Variants in NRG1 observed in about 807,000 individuals in gnomAD.
The protein encoded by NRG1 is pro-neuregulin-1, membrane-bound isoform.
NRG1 carries 18 observed loss-of-function variants against 63.8 expected under a neutral mutation model. The ratio of observed to expected loss-of-function variants is 0.28; its 90% CI spans 0.19 to 0.42. The LOEUF is 0.42. Among genes scored for constraint, NRG1 ranks in the 10% least tolerant of loss-of-function variants. The probability of loss-of-function intolerance (pLI) is 1.00; values close to 1 mark genes in which losing one functional copy is unlikely to be tolerated. For synonymous variants in NRG1, 302 were observed against 301.3 expected (o/e 1.00, Z -0.02); for missense variants, 762 against 814.7 (o/e 0.94, Z 0.79).
chr8:32,694,035 T>A (rs1445780173), intron 5 of NRG1, among the ~76,000 whole-genome samples: 1 of 152,136 alleles, frequency 6.6e-6, no homozygotes, highest in Admixed American at 6.6e-5. Flanking sequence ...AAGGAGAAGG[T>A]TTTTGGCTTG....
intron 1 of NRG1, among the ~76,000 whole-genome samples, chr8:32,498,518 C>CTTGTGAGAA (rs1389703581): frequency 6.2e-4 from 94 of 152,288 alleles, no homozygotes; most frequent in African/African-American, 2.3e-3. Flanking sequence ...ACCATCAGAT[C>CTTGTGAGAA]CTGTGAGAAC....
chr8:32,264,653 C>G (rs1052411532), intron 1 of NRG1, among the ~76,000 whole-genome samples: 2 of 152,126 alleles, frequency 1.3e-5, no homozygotes, highest in Admixed American at 1.3e-4. Context: ...AAGCTGAATG[C>G]TTTTGTCACT....
intron 1 of NRG1, among the ~76,000 whole-genome samples, chr8:31,767,516 C>G (rs994260259): frequency 6.6e-6 from 1 of 152,126 alleles, no homozygotes; most frequent in Non-Finnish European, 1.5e-5. Flanking sequence ...ATTTTCACCA[C>G]AGTAAGCCAT....
At chr8:31,814,169 G>A (rs1053528207) in intron 1 of NRG1, among the ~76,000 whole-genome samples, 5 of 152,162 alleles carry the variant, frequency 3.3e-5, no homozygotes, top group Non-Finnish European at 1.5e-5. Context: ...TCCTACATCT[G>A]TGAACTTGTT....
At position 32,285,204 on chromosome 8, in the gene NRG1, G is replaced by A. The variant is rs147735511; in HGVS notation, c.38-310624G>A. ...AATCAGGCATTCTAAACTGGAAAGG[G>A]CCTTTGATTATTTAGCCCAAATGCA... On this transcript the variant is annotated intron_variant, in intron 1 of 10. Transcript: ENST00000519301. Among the ~76,000 whole-genome samples the A allele has an allele frequency of 1.4e-3, 208 of 152,216 alleles. 1 individual carries two copies. Among genetic ancestry groups the A allele is most frequent in the Middle Eastern group, 6.8e-3 (2 of 294 alleles).
chr8:32,353,847 T>A (rs552565049), intron 1 of NRG1, among the ~76,000 whole-genome samples: 6 of 152,306 alleles, frequency 3.9e-5, no homozygotes, highest in African/African-American at 1.4e-4. Context: ...AAAGCCTATG[T>A]CCATACAAAG....
At chr8:32,071,568 G>T (rs1277624801) in intron 1 of NRG1, among the ~76,000 whole-genome samples, 7 of 152,154 alleles carry the variant, frequency 4.6e-5, no homozygotes, top group Non-Finnish European at 8.8e-5. Flanking sequence ...TAACTAGGAA[G>T]TATAAAGTAC....
intron 1 of NRG1, among the ~76,000 whole-genome samples, chr8:32,554,356 A>C (rs1834707749): frequency 6.6e-6 from 1 of 152,192 alleles, no homozygotes; most frequent in Non-Finnish European, 1.5e-5. Context: ...AAATACCAAT[A>C]GATGTCAGTG....
intron 1 of NRG1, among the ~76,000 whole-genome samples, chr8:32,027,450 T>TCCCTCCC (rs1817583611): frequency 2.5e-5 from 3 of 121,642 alleles, no homozygotes; most frequent in African/African-American, 1.3e-4. Flanking sequence ...CCTTCCTTCC[T>TCCCTCCC]TCCTTCCTTC....
At chr8:32,674,650 A>G (rs1806585541) in intron 5 of NRG1, among the ~76,000 whole-genome samples, 1 of 152,254 alleles carries the variant, frequency 6.6e-6, no homozygotes, top group Admixed American at 6.5e-5. Context: ...TCCGAACGGA[A>G]TGCTGAATGC....
rs1258670893 is a variant in NRG1, at chr8:31,658,366, T to C, written c.37+18935T>C. ...CCATGTTTCTAAACTTTATTTTTAG[T>C]TTTCTCTTTGTAAAATGAGAATGAT... On this transcript the variant is annotated intron_variant, in intron 1 of 10. Transcript: ENST00000519301. Among the ~76,000 whole-genome samples, 6 of 152,348 alleles carry C rather than the reference T, an allele frequency of 3.9e-5. No homozygotes were observed. In the South Asian group the frequency reaches 1.0e-3, roughly 26 times the overall value.
In NRG1 at chr8:32,439,492, A is replaced by G. The variant is rs16879390; in HGVS notation, c.38-156336A>G. Reference sequence around the variant, plus strand: ...TAGTGAAACCTGAAGAAGTAAAATAAAATAACTTGTATGTCCCTTCACAAG... The same window carrying G: ...TAGTGAAACCTGAAGAAGTAAAATAGAATAACTTGTATGTCCCTTCACAAG... On this transcript the variant is annotated intron_variant, in intron 1 of 10. Coordinates refer to the NRG1 transcript ENST00000519301. Among the ~76,000 whole-genome samples, 1,402 of 152,284 alleles carry G rather than the reference A, an allele frequency of 9.2e-3. 21 individuals are homozygous for G. The highest frequency in any genetic ancestry group is 0.033 in the African/African-American group (1,363 of 41,552).
chr8:31,817,599 T>G (rs534746047), intron 1 of NRG1, among the ~76,000 whole-genome samples: 21 of 152,364 alleles, frequency 1.4e-4, no homozygotes, highest in African/African-American at 4.8e-4. Flanking sequence ...AAAATCAATC[T>G]GTGGTATAGT....
chr8:32,368,446 G>T (rs1412059877), intron 1 of NRG1, among the ~76,000 whole-genome samples: 1 of 152,010 alleles, frequency 6.6e-6, no homozygotes. Flanking sequence ...GTGTGTACCT[G>T]TAGTCCCAGC....
chr8:31,666,841 C>T (rs1806596399), intron 1 of NRG1, among the ~76,000 whole-genome samples: 2 of 152,184 alleles, frequency 1.3e-5, no homozygotes, highest in East Asian at 3.8e-4. Flanking sequence ...GGGTAGGTTT[C>T]ACATTCTAAA....
At chr8:32,225,476 G>T (rs1237382189) in intron 1 of NRG1, among the ~76,000 whole-genome samples, 1 of 152,132 alleles carries the variant, frequency 6.6e-6, no homozygotes, top group Non-Finnish European at 1.5e-5. Context: ...GGCAGTTAGG[G>T]CAAATGGTTT....
At chr8:31,778,267 C>G (rs960522359) in intron 1 of NRG1, among the ~76,000 whole-genome samples, 4 of 152,202 alleles carry the variant, frequency 2.6e-5, no homozygotes, top group Admixed American at 2.0e-4. Context: ...GGCTTCCTGT[C>G]GTACTCTCTG....
At chr8:32,376,917 A>G (rs1809704191) in intron 1 of NRG1, among the ~76,000 whole-genome samples, 1 of 152,238 alleles carries the variant, frequency 6.6e-6, no homozygotes, top group Non-Finnish European at 1.5e-5. Context: ...TCAGTTTAAC[A>G]AGGAGCCCAT....
chr8:31,983,545 A>AT (rs1809530735), intron 1 of NRG1, among the ~76,000 whole-genome samples: 1 of 151,846 alleles, frequency 6.6e-6, no homozygotes, highest in Non-Finnish European at 1.5e-5. Flanking sequence ...AAACCTGTCT[A>AT]TTTTTTTAAA....
Sources: gnomAD v4.1 joint callset for allele counts (sites outside exome capture counted in the v4.1 genomes callset) on GRCh38, gnomAD v4.1.1 for gene constraint, MANE v1.5 for transcripts, NCBI Gene and HGNC (gene_info 2026-07-23, HGNC 2026-07-21) for gene names.